Variants in SCLT1 observed in about 807,000 individuals in gnomAD.
SCLT1 encodes sodium channel and clathrin linker 1.
In SCLT1, 78 loss-of-function variants were observed where a neutral mutation model predicts 112.8. That is an observed-to-expected ratio of 0.69 (90% CI 0.58 to 0.83). The LOEUF (loss-of-function observed/expected upper bound fraction) is 0.83, where lower values mean the gene tolerates loss of function less well. SCLT1 is among the 40% of genes least tolerant of loss of function. The pLI is 0.00. For missense variants in SCLT1, 747 were observed against 770.4 expected, an observed-to-expected ratio of 0.97 and a Z score of 0.36; for synonymous variants, 257 against 254.7, an observed-to-expected ratio of 1.01 and a Z score of -0.09.
chr4:128,931,948 CT>C (rs33969702), intron 18 of SCLT1, among the ~76,000 whole-genome samples: 99,075 of 146,208 alleles, frequency 0.68, 33,406 homozygotes, highest in Middle Eastern at 0.71. Context: ...ATTTCTATCC[CT>C]TTTTTTTTTT....
intron 9 of SCLT1, among the ~76,000 whole-genome samples, chr4:128,991,220 T>C (rs1194102034): frequency 6.6e-6 from 1 of 151,694 alleles, no homozygotes; most frequent in Non-Finnish European, 1.5e-5. Flanking sequence ...GGTACTGGCA[T>C]AAAAACAGAC....
chr4:128,949,739 A>G (rs969719750), intron 14 of SCLT1, among the ~76,000 whole-genome samples: 1 of 151,080 alleles, frequency 6.6e-6, no homozygotes, highest in East Asian at 1.9e-4. Flanking sequence ...ATAGTATTCC[A>G]TGGTGTATAT....
At chr4:129,065,474 T>A in intron 2 of SCLT1, among the ~76,000 whole-genome samples, 1 of 152,050 alleles carries the variant, frequency 6.6e-6, no homozygotes, top group Non-Finnish European at 1.5e-5. Flanking sequence ...GGCCTGACCA[T>A]AAATATTTGA....
intron 2 of SCLT1, among the ~76,000 whole-genome samples, chr4:129,070,539 T>C (rs1335851082): frequency 6.6e-6 from 1 of 152,168 alleles, no homozygotes; most frequent in Non-Finnish European, 1.5e-5. Flanking sequence ...TTCTAGTTTA[T>C]GTGCATAAAG....
At chr4:128,894,869 G>A (rs947015038) in intron 18 of SCLT1, among the ~76,000 whole-genome samples, 1 of 151,934 alleles carries the variant, frequency 6.6e-6, no homozygotes, top group African/African-American at 2.4e-5. Context: ...GTAGAGATGG[G>A]GTATCACCAT....
chr4:128,906,631 G>T (rs1307668738), intron 18 of SCLT1, among the ~76,000 whole-genome samples: 8 of 152,304 alleles, frequency 5.3e-5, no homozygotes, highest in African/African-American at 1.9e-4. Context: ...TTTGAAGAAT[G>T]AACTGAAAGT....
At chr4:128,936,441 C>A (rs966774600) in intron 18 of SCLT1, among the ~76,000 whole-genome samples, 3 of 152,082 alleles carry the variant, frequency 2.0e-5, no homozygotes, top group African/African-American at 7.2e-5. Context: ...AAAACTATTA[C>A]ATTTTCTGAA....
intron 4 of SCLT1, among the ~76,000 whole-genome samples, chr4:129,042,459 T>G (rs184487735): frequency 6.6e-6 from 1 of 151,928 alleles, no homozygotes; most frequent in African/African-American, 2.4e-5. Context: ...ATTCTGCAAG[T>G]AATGGGAGAT....
At chr4:128,883,912 A>G (rs1732712171), downstream of SCLT1, 1 of 152,252 alleles carries the variant, frequency 6.6e-6, no homozygotes, top group Non-Finnish European at 1.5e-5. Flanking sequence ...AAATTCTTAA[A>G]TATCAAGTTC....
At chr4:128,912,965 C>T (rs1735214900) in intron 18 of SCLT1, among the ~76,000 whole-genome samples, 1 of 152,128 alleles carries the variant, frequency 6.6e-6, no homozygotes, top group Admixed American at 6.5e-5. Flanking sequence ...GCTTTGTTAC[C>T]AAATGTGATT....
chr4:128,896,900 G>C (rs931411219), intron 18 of SCLT1, among the ~76,000 whole-genome samples: 2 of 152,190 alleles, frequency 1.3e-5, no homozygotes, highest in African/African-American at 4.8e-5. Context: ...TAGCCGATTC[G>C]ATCAACTGGA....
intron 2 of SCLT1, among the ~76,000 whole-genome samples, chr4:129,068,228 G>A (rs900828717): frequency 3.9e-5 from 6 of 152,002 alleles, no homozygotes; most frequent in Admixed American, 6.6e-5. Flanking sequence ...GTGTGTGTGT[G>A]TATATATCAG....
intron 14 of SCLT1, among the ~76,000 whole-genome samples, chr4:128,950,213 G>A (rs968128222): frequency 1.3e-5 from 2 of 152,044 alleles, no homozygotes; most frequent in African/African-American, 2.4e-5. Flanking sequence ...CCTCCCATGT[G>A]ATTTTTAATA....
chr4:128,973,802 A>C (rs1740913488), intron 9 of SCLT1, among the ~76,000 whole-genome samples: 1 of 152,170 alleles, frequency 6.6e-6, no homozygotes. Flanking sequence ...ACTAAACCAC[A>C]AATACTATTT....
intron 18 of SCLT1, among the ~76,000 whole-genome samples, chr4:128,923,743 C>T (rs1736066410): frequency 6.6e-6 from 1 of 151,752 alleles, no homozygotes; most frequent in African/African-American, 2.4e-5. Flanking sequence ...TGGTGATGTA[C>T]ATTTGGGTTC....
chr4:128,902,496 G>A (rs545943544), intron 18 of SCLT1, among the ~76,000 whole-genome samples: 8 of 151,902 alleles, frequency 5.3e-5, no homozygotes, highest in African/African-American at 1.5e-4. Context: ...GTAAGTTTTC[G>A]TGTATCTACA....
At chr4:129,086,311 A>ATG (rs1380134084) in intron 1 of SCLT1, among the ~76,000 whole-genome samples, 2 of 16,148 alleles carry the variant, frequency 1.2e-4, no homozygotes, top group African/African-American at 1.3e-4. Flanking sequence ...TGGTGTATGT[A>ATG]TGTATATATA....
At chr4:128,920,422 G>A (rs1429074771) in intron 18 of SCLT1, among the ~76,000 whole-genome samples, 1 of 152,148 alleles carries the variant, frequency 6.6e-6, no homozygotes, top group African/African-American at 2.4e-5. Context: ...CTCCCCAATA[G>A]CTGGAATTAC....
intron 5 of SCLT1, among the ~76,000 whole-genome samples, chr4:129,035,830 T>C (rs995766457): frequency 6.6e-6 from 1 of 151,388 alleles, no homozygotes; most frequent in Non-Finnish European, 1.5e-5. Context: ...GGGAGCATGA[T>C]AATAATAATA....
Sources: allele counts gnomAD v4.1 joint callset (sites outside exome capture counted in the v4.1 genomes callset), GRCh38; gene constraint gnomAD v4.1.1; transcripts MANE v1.5; gene names NCBI Gene and HGNC (gene_info 2026-07-23, HGNC 2026-07-21).